The following DNAH11 variants were observed in gnomAD, a reference collection of about 807,000 sequenced individuals.
DNAH11 encodes dynein axonemal heavy chain 11.
In DNAH11, 442 loss-of-function variants were observed where a neutral mutation model predicts 526.0. The observed-to-expected ratio is 0.84, with a 90% confidence interval of 0.78 to 0.91. The LOEUF (loss-of-function observed/expected upper bound fraction) is 0.91. Ranked by LOEUF, DNAH11 falls within the 40% of genes least tolerant of loss-of-function variation. The pLI is 0.00. For synonymous variants in DNAH11, 2,461 were observed against 1,935.9 expected (o/e 1.27, Z -7.12); for missense variants, 6,989 against 5,448.7 (o/e 1.28, Z -8.90).
chr7:21,685,408 G>T (rs1230871576), intron 32 of DNAH11, among the ~76,000 whole-genome samples: 1 of 152,166 alleles, frequency 6.6e-6, no homozygotes, highest in African/African-American at 2.4e-5. Context: ...CACCATGTGG[G>T]TTTTTTGGGA....
chr7:21,832,539 G>GATCTTGACT (rs1413536607), intron 65 of DNAH11, among the ~76,000 whole-genome samples: 1 of 152,108 alleles, frequency 6.6e-6, no homozygotes, highest in African/African-American at 2.4e-5. Flanking sequence ...CACACTGATG[G>GATCTTGACT]ATCTTGACTC....
chr7:21,850,325 C>A (rs1312672833), intron 66 of DNAH11, among the ~76,000 whole-genome samples: 1 of 139,948 alleles, frequency 7.1e-6, no homozygotes, highest in South Asian at 2.2e-4. Flanking sequence ...CACAGCGCTC[C>A]AGCCTGGGCG....
chr7:21,648,809 T>C (rs1787490031), intron 28 of DNAH11, among the ~76,000 whole-genome samples: 1 of 152,316 alleles, frequency 6.6e-6, no homozygotes, highest in South Asian at 2.1e-4. Context: ...TTACTTGAAA[T>C]TTAAAAACAA....
Position 21,707,789 on chromosome 7 carries a change from C to T in DNAH11, c.6637C>T (p.Leu2213Phe), listed in dbSNP as rs1247578744. ...LNPKAVTTDELFGFIHHATRE... is the reference protein window; with the variant it reads ...LNPKAVTTDEFFGFIHHATRE... Reference sequence around the variant, plus strand: ...CCCTAAAGCTGTGACAACAGATGAACTCTTTGGTTTCATACATCATGCTAC... The same window carrying T: ...CCCTAAAGCTGTGACAACAGATGAATTCTTTGGTTTCATACATCATGCTAC... Residue 2213 changes from leucine (L) to phenylalanine (F), a missense_variant, in exon 40 of 82, where the codon CTC (leucine) becomes TTC (phenylalanine). Coordinates refer to ENST00000409508, the MANE Select transcript of DNAH11 (RefSeq NM_001277115.2). 6.2e-7 allele frequency: 1 copy of T among 1,611,806 alleles called. No individual in the cohort carries two copies. Among genetic ancestry groups the T allele is most frequent in the Non-Finnish European group, 8.5e-7 (1 of 1,179,064 alleles).
intron 35 of DNAH11, among the ~76,000 whole-genome samples, chr7:21,693,236 T>C (rs375054519): frequency 6.6e-6 from 1 of 152,250 alleles, no homozygotes. Flanking sequence ...ATGGGTTTTC[T>C]CCTTTATTCT....
chr7:21,598,098 A>G (rs1181350493), intron 14 of DNAH11, among the ~76,000 whole-genome samples: 1 of 152,200 alleles, frequency 6.6e-6, no homozygotes, highest in African/African-American at 2.4e-5. Flanking sequence ...TGCTTACAAC[A>G]TAACACCTTT....
At chr7:21,569,538 C>A (rs1279357216) in intron 6 of DNAH11, among the ~76,000 whole-genome samples, 1 of 152,206 alleles carries the variant, frequency 6.6e-6, no homozygotes, top group Non-Finnish European at 1.5e-5. Context: ...TGGCACACGT[C>A]AGCCAGTTTG....
At chr7:21,891,967 C>T (rs1784340707) in intron 76 of DNAH11, among the ~76,000 whole-genome samples, 1 of 151,834 alleles carries the variant, frequency 6.6e-6, no homozygotes, top group South Asian at 2.1e-4. Flanking sequence ...AAGTATGGTG[C>T]CCTGGGGAAG....
chr7:21,896,265 A>G (rs1484663012), intron 79 of DNAH11, among the ~76,000 whole-genome samples: 1 of 152,200 alleles, frequency 6.6e-6, no homozygotes, highest in African/African-American at 2.4e-5. Context: ...TATAAAATAT[A>G]GAGCAGGGCT....
chr7:21,737,746 C>A (rs896661199), intron 46 of DNAH11, among the ~76,000 whole-genome samples: 2 of 152,092 alleles, frequency 1.3e-5, no homozygotes, highest in African/African-American at 4.8e-5. Flanking sequence ...GGCATGTTAA[C>A]CCCCTAAGCA....
chr7:21,825,816 G>C (rs1790265534), intron 65 of DNAH11, among the ~76,000 whole-genome samples: 1 of 152,054 alleles, frequency 6.6e-6, no homozygotes, highest in Admixed American at 6.6e-5. Context: ...AAAATTAGCT[G>C]GGTGTAGTAG....
At chr7:21,649,281 C>T (rs1055278120) in intron 28 of DNAH11, among the ~76,000 whole-genome samples, 2 of 152,138 alleles carry the variant, frequency 1.3e-5, no homozygotes, top group African/African-American at 4.8e-5. Context: ...TAGCAGTTCA[C>T]CTTTTCAGTG....
At chr7:21,603,225 T>C (rs1419259605) in intron 18 of DNAH11, among the ~76,000 whole-genome samples, 1 of 152,248 alleles carries the variant, frequency 6.6e-6, no homozygotes, top group Non-Finnish European at 1.5e-5. Context: ...CATTGTAGCA[T>C]GTGTTGGTAC....
At chr7:21,765,948 A>C (rs1047761697) in intron 55 of DNAH11, among the ~76,000 whole-genome samples, 4 of 152,192 alleles carry the variant, frequency 2.6e-5, no homozygotes, top group African/African-American at 9.6e-5. Flanking sequence ...CTTTAAGTCC[A>C]AACTAAAAGC....
At chr7:21,812,924 G>C (rs538935838) in intron 63 of DNAH11, among the ~76,000 whole-genome samples, 19 of 152,140 alleles carry the variant, frequency 1.2e-4, no homozygotes, top group Admixed American at 2.0e-4. Context: ...ACCCTTGGGG[G>C]AGAGCCTGGT....
At chr7:21,744,187 T>C (rs1786042221) in intron 49 of DNAH11, among the ~76,000 whole-genome samples, 1 of 152,228 alleles carries the variant, frequency 6.6e-6, no homozygotes, top group African/African-American at 2.4e-5. Flanking sequence ...GATGTGATAT[T>C]TAGTGCCTGT....
At chr7:21,583,215 T>G (rs1372498120) in intron 9 of DNAH11, among the ~76,000 whole-genome samples, 1 of 151,924 alleles carries the variant, frequency 6.6e-6, no homozygotes, top group East Asian at 1.9e-4. Context: ...ACCAAAACAG[T>G]ATAGTACTGG....
At chr7:21,623,052 T>C (rs1261722126) in intron 25 of DNAH11, among the ~76,000 whole-genome samples, 1 of 151,294 alleles carries the variant, frequency 6.6e-6, no homozygotes, top group Non-Finnish European at 1.5e-5. Context: ...TGGGAGAAAA[T>C]TTTCGCAACC....
chr7:21,600,138 G>T lies in DNAH11; in HGVS notation c.3000+19G>T, dbSNP rs780263239. ...TTATCAGGTATTTTCTTAGTAAATG[G>T]GTATTTAGCTTTTATATTAATGATT... On this transcript the variant is annotated intron_variant, in intron 15 of 81. Coordinates refer to ENST00000409508, the MANE Select transcript of DNAH11 (RefSeq NM_001277115.2). 4 of 1,505,976 alleles carry T rather than the reference G, an allele frequency of 2.7e-6. No individual in the cohort carries two copies. Among genetic ancestry groups the T allele is most frequent in the South Asian group, 2.8e-5 (2 of 72,418 alleles). 93.3% of individuals were successfully genotyped at this position (1,505,976 alleles called of 1,614,324 possible). A position where few individuals can be genotyped will look rare whatever the true frequency, so the allele number is the denominator to read the frequency against.
Sources: gnomAD v4.1 joint callset for allele counts (sites outside exome capture counted in the v4.1 genomes callset) on GRCh38, gnomAD v4.1.1 for gene constraint, MANE v1.5 for transcripts, NCBI Gene and HGNC (gene_info 2026-07-23, HGNC 2026-07-21) for gene names.